Variants in MMS22L observed in about 807,000 individuals in gnomAD.
The protein encoded by MMS22L is protein MMS22-like.
In MMS22L, 74 loss-of-function variants were observed where a neutral mutation model predicts 159.1. The observed-to-expected ratio is 0.47, with a 90% CI of 0.39 to 0.56. The LOEUF (loss-of-function observed/expected upper bound fraction) is 0.56, where lower values mean the gene tolerates loss of function less well. MMS22L is among the 20% of genes least tolerant of loss of function. The probability of loss-of-function intolerance (pLI) is 0.00; values close to 1 mark genes in which losing one functional copy is unlikely to be tolerated. For missense variants in MMS22L, 1,351 were observed against 1,422.1 expected, an observed-to-expected ratio of 0.95 and a Z score of 0.80; for synonymous variants, 517 against 506.9, an observed-to-expected ratio of 1.02 and a Z score of -0.27.
At chr6:97,216,478 T>G (rs1163360008) in intron 14 of MMS22L, among the ~76,000 whole-genome samples, 2 of 152,160 alleles carry the variant, frequency 1.3e-5, no homozygotes, top group Admixed American at 6.5e-5. Flanking sequence ...AAAGCCACAA[T>G]GCCAGTTTAT....
rs371223040 is a variant in MMS22L, at chr6:97,193,910, G to A, written c.2040-7220C>T. 3.3e-5 allele frequency among the ~76,000 whole-genome samples: 5 copies of A among 151,944 alleles called. No homozygotes were observed. In the South Asian group the frequency reaches 8.3e-4, roughly 25 times the overall value. ...CGAGTAGCTGGGACTACAGGCGCCC[G>A]CCACCACGCCCAGCTAATGTTTTTG... On this transcript the variant is annotated intron_variant, in intron 14 of 24. Coordinates refer to ENST00000683635, the MANE Select transcript of MMS22L (RefSeq NM_001350599.2).
At chr6:97,271,463 A>G (rs1379546256) in intron 6 of MMS22L, 1 of 152,200 alleles carries the variant, frequency 6.6e-6, no homozygotes, top group African/African-American at 2.4e-5. Context: ...TACAGAAACT[A>G]GTAAGGAAAA....
intron 18 of MMS22L, among the ~76,000 whole-genome samples, chr6:97,175,065 A>G (rs1803983588): frequency 6.6e-6 from 1 of 152,178 alleles, no homozygotes; most frequent in African/African-American, 2.4e-5. Flanking sequence ...GAGGATCTTG[A>G]AGAGCTTTTA....
chr6:97,229,955 A>G (rs1433317317), intron 13 of MMS22L, among the ~76,000 whole-genome samples: 1 of 152,220 alleles, frequency 6.6e-6, no homozygotes, highest in African/African-American at 2.4e-5. Flanking sequence ...TCCCATCAAT[A>G]CTATTTAATA....
chr6:97,199,501 T>C (rs1806908622), intron 14 of MMS22L, among the ~76,000 whole-genome samples: 1 of 152,146 alleles, frequency 6.6e-6, no homozygotes, highest in Admixed American at 6.6e-5. Flanking sequence ...TGTACCAATG[T>C]ATAATTACAA....
intron 15 of MMS22L, 131 bp downstream of exon 15, chr6:97,186,366 A>G (rs146593921): frequency 3.0e-5 from 18 of 597,328 alleles, no homozygotes; most frequent in Admixed American, 7.5e-5. Flanking sequence ...ATTTATTAAT[A>G]TGTAATTTGT....
At chr6:97,191,651 G>A (rs1355092629) in intron 14 of MMS22L, among the ~76,000 whole-genome samples, 4 of 152,100 alleles carry the variant, frequency 2.6e-5, no homozygotes, top group African/African-American at 9.7e-5. Context: ...ACCACTATGA[G>A]TAATTATTCC....
chr6:97,231,487 T>G lies in MMS22L; in HGVS notation c.1468A>C (p.Lys490Gln). The G allele has an allele frequency of 2.5e-6, 4 of 1,613,818 alleles. No individual in the cohort carries two copies. The highest frequency in any genetic ancestry group is 3.4e-6 in the Non-Finnish European group (4 of 1,179,846). ...CTCTTCATTGCTTTTTTAACAACTT[T>G]TGCCAGAATACAAAGAAAAATAGTA... The part of the protein sequence containing the change: ...SYTIFLCILA[K>Q]VVKKAMKSNG... The change falls in exon 13 of 25, where the codon AAA (lysine) becomes CAA (glutamine). Residue 490 changes from lysine to glutamine, a missense_variant. Coordinates refer to ENST00000683635, the MANE Select transcript of MMS22L (RefSeq NM_001350599.2).
chr6:97,191,453 G>T (rs568313693), intron 14 of MMS22L, among the ~76,000 whole-genome samples: 1 of 149,908 alleles, frequency 6.7e-6, no homozygotes, highest in African/African-American at 2.5e-5. Flanking sequence ...CAAAGTTTAA[G>T]GAAAATTAAA....
chr6:97,216,344 T>C (rs1370084545), intron 14 of MMS22L, among the ~76,000 whole-genome samples: 2 of 152,132 alleles, frequency 1.3e-5, no homozygotes, highest in African/African-American at 4.8e-5. Context: ...TTAAGATTGG[T>C]TTCCTTCCCT....
chr6:97,230,085 T>A (rs908806318), intron 13 of MMS22L, among the ~76,000 whole-genome samples: 8 of 151,978 alleles, frequency 5.3e-5, no homozygotes, highest in Non-Finnish European at 7.4e-5. Context: ...CGAATTAAGT[T>A]GTTGTTGGTT....
rs1353815112 is a variant in MMS22L at position 97,186,533 on chromosome 6, C to T, written c.2197G>A (p.Val733Ile). 9 of 1,612,842 alleles carry T rather than the reference C, an allele frequency of 5.6e-6. No homozygotes were observed. The highest frequency in any genetic ancestry group is 3.4e-5 in the Admixed American group (2 of 59,676). ...SFLKSQRMSQVVPFSQLADAA... is the reference protein window; with the variant it reads ...SFLKSQRMSQIVPFSQLADAA... ...TCCGCAAGTTGTGAGAAAGGCACTA[C>T]CTGTGACATTCTCTGACTCTTCAAA... The change falls in exon 15 of 25, where the codon GTA becomes ATA. Residue 733 changes from valine to isoleucine, a missense_variant. Physicochemically the swap from Val to Ile is conservative, Grantham distance 29. Transcript: ENST00000683635.
At chr6:97,235,910 T>A (rs1406001851) in intron 11 of MMS22L, among the ~76,000 whole-genome samples, 1 of 152,112 alleles carries the variant, frequency 6.6e-6, no homozygotes, top group African/African-American at 2.4e-5. Flanking sequence ...AGCAGATGTG[T>A]TGGGAGATTT....
At chr6:97,164,083 T>G (rs753046742) in intron 21 of MMS22L, among the ~76,000 whole-genome samples, 1 of 151,818 alleles carries the variant, frequency 6.6e-6, no homozygotes, top group African/African-American at 2.4e-5. Context: ...AAGAAAAGAC[T>G]AGAGATGCAG....
At chr6:97,238,308 C>T (rs1426485950) in intron 11 of MMS22L, among the ~76,000 whole-genome samples, 5 of 152,176 alleles carry the variant, frequency 3.3e-5, no homozygotes. Context: ...TGTTACTCTT[C>T]TGATGATCAA....
chr6:97,192,858 T>A (rs1325418584), intron 14 of MMS22L, among the ~76,000 whole-genome samples: 1 of 152,222 alleles, frequency 6.6e-6, no homozygotes, highest in African/African-American at 2.4e-5. Flanking sequence ...ATTGTCCTCA[T>A]TTTATAGACA....
intron 16 of MMS22L, among the ~76,000 whole-genome samples, chr6:97,181,331 A>C (rs1019460737): frequency 6.6e-6 from 1 of 152,040 alleles, no homozygotes; most frequent in African/African-American, 2.4e-5. Context: ...CACTATTTCT[A>C]TTGTAACTTT....
intron 14 of MMS22L, among the ~76,000 whole-genome samples, chr6:97,200,419 T>A (rs1807012824): frequency 6.6e-6 from 1 of 152,094 alleles, no homozygotes; most frequent in Non-Finnish European, 1.5e-5. Context: ...ATTATAAAGC[T>A]CCATTATTAG....
chr6:97,186,641 G>A lies in MMS22L; in HGVS notation c.2089C>T (p.Leu697=), dbSNP rs1805268556. The change falls in exon 15 of 25, where the codon CTA becomes TTA. Residue 697 remains leucine, a synonymous_variant. Transcript: ENST00000683635. ...CQELQRDNVD[L]FVQSSLSAKE... is the part of the protein sequence containing the mutation. ...GCCGATAATGAAGACTGTACAAATAGGTCCACATTGTCCCTTTGAAGTTCC... is the reference window on the plus strand; with the variant it reads ...GCCGATAATGAAGACTGTACAAATAAGTCCACATTGTCCCTTTGAAGTTCC... The A allele has an allele frequency of 4.4e-6, 7 of 1,595,036 alleles. No individual in the cohort carries two copies. The highest frequency in any genetic ancestry group is 2.3e-5 in the South Asian group (2 of 87,930).
Sources: allele counts gnomAD v4.1 joint callset (sites outside exome capture counted in the v4.1 genomes callset), GRCh38; gene constraint gnomAD v4.1.1; transcripts MANE v1.5; gene names NCBI Gene and HGNC (gene_info 2026-07-23, HGNC 2026-07-21).